PDE1C: variants seen among roughly 807,000 people sequenced by gnomAD.
PDE1C encodes the protein dual specificity calcium/calmodulin-dependent 3',5'-cyclic nucleotide phosphodiesterase 1C.
Under a neutral mutation model 93.1 loss-of-function variants are expected in PDE1C, and 62 were observed. That is an observed-to-expected ratio of 0.67 (90% CI 0.54 to 0.82). The LOEUF is 0.82. Among genes scored for constraint, PDE1C ranks in the 40% least tolerant of loss-of-function variants. The probability of loss-of-function intolerance (pLI) is 0.00; values close to 1 mark genes in which losing one functional copy is unlikely to be tolerated. For synonymous variants in PDE1C, 325 were observed against 310.1 expected (o/e 1.05, Z -0.50); for missense variants, 742 against 884.6 (o/e 0.84, Z 2.04).
At chr7:32,079,888 G>T (rs1377798551) in intron 3 of PDE1C, among the ~76,000 whole-genome samples, 2 of 152,302 alleles carry the variant, frequency 1.3e-5, no homozygotes, top group African/African-American at 4.8e-5. Flanking sequence ...ACCTCTTGAT[G>T]CAGGGTGTGG....
the PDE1C span, among the ~76,000 whole-genome samples, chr7:31,684,962 G>A: frequency 3.3e-5 from 5 of 152,184 alleles, no homozygotes; most frequent in Non-Finnish European, 1.5e-5. Context: ...GTTCATAGCA[G>A]CTTTATTTGT....
chr7:32,044,655 T>C (rs1792281991), intron 2 of PDE1C, among the ~76,000 whole-genome samples: 1 of 151,876 alleles, frequency 6.6e-6, no homozygotes, highest in African/African-American at 2.4e-5. Context: ...GGGAAAGTAA[T>C]GTGAAGGAAA....
Position 32,065,059 on chromosome 7 carries a change from G to C in PDE1C, c.101+5234C>G, listed in dbSNP as rs56127668. 9.5e-4 allele frequency among the ~76,000 whole-genome samples: 142 copies of C among 148,734 alleles called. 2 individuals carry two copies. Among genetic ancestry groups the C allele is most frequent in the Middle Eastern group, 3.4e-3 (1 of 292 alleles). On this transcript the variant is annotated intron_variant, in intron 1 of 17. Coordinates refer to ENST00000396191, the MANE Select transcript of PDE1C (RefSeq NM_001191057.4). ...TTCTGACGGAACGGCGGTGGGGGGG[G>C]GGGGGAGGAGCCGGGGGCCAGTGAG...
intron 2 of PDE1C, among the ~76,000 whole-genome samples, chr7:31,986,553 G>A (rs1009847637): frequency 6.6e-6 from 1 of 152,064 alleles, no homozygotes; most frequent in Non-Finnish European, 1.5e-5. Flanking sequence ...AGCTCATATT[G>A]GATTAGGATG....
At chr7:31,919,593 C>T (rs1802357262) in intron 2 of PDE1C, among the ~76,000 whole-genome samples, 1 of 152,046 alleles carries the variant, frequency 6.6e-6, no homozygotes, top group Non-Finnish European at 1.5e-5. Flanking sequence ...TAGAACTTAA[C>T]CTGTATTACC....
chr7:31,714,197 T>C, the PDE1C span, among the ~76,000 whole-genome samples: 2 of 152,224 alleles, frequency 1.3e-5, no homozygotes, highest in Admixed American at 6.5e-5. Context: ...CTGCCAGATA[T>C]TGTAAATAAT....
chr7:31,672,497 G>A, the PDE1C span, among the ~76,000 whole-genome samples: 16 of 142,136 alleles, frequency 1.1e-4, no homozygotes, highest in Non-Finnish European at 1.8e-4. Flanking sequence ...TGATCAATTT[G>A]TTTTGCATTT....
At chr7:32,290,670 A>G (rs910192408) in intron 1 of PDE1C, among the ~76,000 whole-genome samples, 1 of 152,156 alleles carries the variant, frequency 6.6e-6, no homozygotes, top group African/African-American at 2.4e-5. Context: ...TAGGAGAGCT[A>G]ACATTCTAAC....
intron 5 of PDE1C, 36 bp downstream of exon 5, chr7:31,877,934 A>G: frequency 1.4e-6 from 2 of 1,388,350 alleles, no homozygotes; most frequent in Non-Finnish European, 2.0e-6. Context: ...TTTATTAGGT[A>G]CCATGTACAT....
intron 5 of PDE1C, among the ~76,000 whole-genome samples, chr7:31,876,596 T>C (rs1199326320): frequency 2.6e-5 from 4 of 152,212 alleles, no homozygotes; most frequent in African/African-American, 9.6e-5. Flanking sequence ...TTAATGTTTC[T>C]AAGAGTTTGA....
At chr7:31,998,893 A>G (rs1369557291) in intron 2 of PDE1C, among the ~76,000 whole-genome samples, 2 of 152,196 alleles carry the variant, frequency 1.3e-5, no homozygotes, top group Admixed American at 1.3e-4. Flanking sequence ...CTCTATGCAA[A>G]ATCCACTGCA....
chr7:31,829,669 C>T (rs192822967), intron 11 of PDE1C, among the ~76,000 whole-genome samples: 55 of 152,200 alleles, frequency 3.6e-4, no homozygotes, highest in South Asian at 2.5e-3. Context: ...CAGGAATAGT[C>T]CCTAAGTGGC....
intron 2 of PDE1C, among the ~76,000 whole-genome samples, chr7:32,012,168 C>T (rs747010158): frequency 1.2e-4 from 18 of 152,174 alleles, no homozygotes; most frequent in Non-Finnish European, 2.4e-4. Flanking sequence ...TTAGCTGGCT[C>T]ATGGTTCTGC....
intron 1 of PDE1C, among the ~76,000 whole-genome samples, chr7:32,399,727 C>T (rs1784907593): frequency 6.6e-6 from 1 of 151,770 alleles, no homozygotes; most frequent in South Asian, 2.1e-4. Flanking sequence ...GGATTACAGG[C>T]ATGTGCCACC....
intron 3 of PDE1C, among the ~76,000 whole-genome samples, chr7:32,153,784 A>G (rs1801401532): frequency 6.6e-6 from 1 of 152,188 alleles, no homozygotes; most frequent in Admixed American, 6.5e-5. Flanking sequence ...TGGTGTTGCC[A>G]TTGATGTTGT....
At chr7:32,039,337 T>A (rs1330377598) in intron 2 of PDE1C, among the ~76,000 whole-genome samples, 4 of 152,232 alleles carry the variant, frequency 2.6e-5, no homozygotes, top group Admixed American at 1.3e-4. Flanking sequence ...GAATTTGGTA[T>A]GACAGCAGAA....
chr7:32,082,629 C>G (rs533965322), intron 3 of PDE1C, among the ~76,000 whole-genome samples: 1 of 152,050 alleles, frequency 6.6e-6, no homozygotes, highest in African/African-American at 2.4e-5. Flanking sequence ...ACACCTCACA[C>G]GGCTGGGTAC....
At chr7:31,710,995 T>G in the PDE1C span, among the ~76,000 whole-genome samples, 4 of 152,210 alleles carry the variant, frequency 2.6e-5, no homozygotes, top group African/African-American at 9.6e-5. Flanking sequence ...CAGCTTACCT[T>G]CCTGAAGAAG....
At chr7:32,371,815 TGC>T (rs1784340254) in intron 1 of PDE1C, among the ~76,000 whole-genome samples, 2 of 152,208 alleles carry the variant, frequency 1.3e-5, no homozygotes, top group Admixed American at 1.3e-4. Flanking sequence ...ATATCTTTTT[TGC>T]AGAAATTAAC....
Sources: gnomAD v4.1 joint callset for allele counts (sites outside exome capture counted in the v4.1 genomes callset) on GRCh38, gnomAD v4.1.1 for gene constraint, MANE v1.5 for transcripts, NCBI Gene and HGNC (gene_info 2026-07-23, HGNC 2026-07-21) for gene names.